ZNF568: variants seen among roughly 807,000 people sequenced by gnomAD.
ZNF568 encodes zinc finger protein 568, also known as p53 inhibitor of SCO2 activation.
ZNF568 carries 11 observed loss-of-function variants against 18.1 expected under a neutral mutation model. That is an observed-to-expected ratio of 0.61 (90% confidence interval 0.38 to 1.00). The LOEUF (loss-of-function observed/expected upper bound fraction) is 1.00, where lower values mean the gene tolerates loss of function less well. Among genes scored for constraint, ZNF568 ranks in the 50% least tolerant of loss-of-function variants. The pLI is 0.01. For synonymous variants in ZNF568, 213 were observed against 246.6 expected (o/e 0.86, Z 1.28); for missense variants, 639 against 768.2 (o/e 0.83, Z 1.99).
exon 7 of ZNF568, chr19:36,974,462 C>T: frequency 2.0e-6 from 3 of 1,535,852 alleles, no homozygotes; most frequent in Non-Finnish European, 2.6e-6. Flanking sequence ...GAAGTGATGG[C>T]GGAGGTAAGT....
intron 7 of ZNF568, among the ~76,000 whole-genome samples, chr19:36,975,680 A>ATTTTTTTTTTTTTTTTT (rs2074278315): frequency 2.1e-5 from 1 of 46,828 alleles, no homozygotes; most frequent in African/African-American, 1.2e-4. Flanking sequence ...CCGCGCCAAG[A>ATTTTTTTTTTTTTTTTT]CTTTTTTTTT....
intron 4 of ZNF568, among the ~76,000 whole-genome samples, chr19:36,933,939 TTTTA>T (rs2073741578): frequency 7.0e-6 from 1 of 143,300 alleles, no homozygotes; most frequent in African/African-American, 2.6e-5. Context: ...TTTTTTTTTT[TTTTA>T]GTAATTCAGT....
At chr19:36,938,472 T>C (rs987660574) in intron 6 of ZNF568, among the ~76,000 whole-genome samples, 2 of 152,158 alleles carry the variant, frequency 1.3e-5, no homozygotes, top group African/African-American at 4.8e-5. Context: ...ACTACATTTA[T>C]AGTAGTAAGA....
intron 6 of ZNF568, among the ~76,000 whole-genome samples, chr19:36,966,647 G>C (rs755278925): frequency 7.9e-5 from 12 of 152,218 alleles, no homozygotes; most frequent in Non-Finnish European, 1.3e-4. Context: ...ATTAAGCTTT[G>C]TCAGTAGAGG....
At chr19:36,969,993 C>T (rs1364833805) in intron 6 of ZNF568, among the ~76,000 whole-genome samples, 1 of 121,344 alleles carries the variant, frequency 8.2e-6, no homozygotes, top group Non-Finnish European at 1.8e-5. Context: ...AAACTCCTTA[C>T]CTCAAGTGAT....
chr19:36,967,924 G>A (rs1466937874), intron 6 of ZNF568, among the ~76,000 whole-genome samples: 1 of 152,150 alleles, frequency 6.6e-6, no homozygotes, highest in African/African-American at 2.4e-5. Flanking sequence ...AGAACACTGG[G>A]CATGAAGGAG....
intron 6 of ZNF568, among the ~76,000 whole-genome samples, chr19:36,941,910 TTTG>T (rs569984726): frequency 0.014 from 2,093 of 152,224 alleles, 23 homozygotes; most frequent in African/African-American, 0.025. Flanking sequence ...GTCAATTATT[TTTG>T]ACTTTTTTTA....
intron 6 of ZNF568, among the ~76,000 whole-genome samples, chr19:36,965,001 A>G (rs7251087): frequency 0.2 from 30,915 of 151,980 alleles, 3,279 homozygotes; most frequent in African/African-American, 0.28. Context: ...ACAAGCAAGT[A>G]CTATAAGAGG....
intron 7 of ZNF568, chr19:36,976,272 A>G (rs1314993299): frequency 6.6e-6 from 1 of 152,118 alleles, no homozygotes; most frequent in African/African-American, 2.4e-5. Flanking sequence ...TAACAGAAGT[A>G]GCTAACTTAT....
At chr19:36,932,461 A>C (rs1431093584) in intron 4 of ZNF568, among the ~76,000 whole-genome samples, 1 of 152,184 alleles carries the variant, frequency 6.6e-6, no homozygotes, top group Non-Finnish European at 1.5e-5. Flanking sequence ...CTGGTGGCAC[A>C]TGCCTGTAAT....
At chr19:36,968,223 T>A (rs1232426311) in intron 6 of ZNF568, among the ~76,000 whole-genome samples, 2 of 151,608 alleles carry the variant, frequency 1.3e-5, no homozygotes, top group Non-Finnish European at 2.9e-5. Context: ...TACATACAAA[T>A]TTATATGAGA....
At chr19:36,962,277 G>GTTATTTTTTTTTT (rs1555736279) in intron 6 of ZNF568, among the ~76,000 whole-genome samples, 1 of 45,288 alleles carries the variant, frequency 2.2e-5, no homozygotes, top group African/African-American at 8.4e-5. Flanking sequence ...GTGTTGCAGT[G>GTTATTTTTTTTTT]TTTTTTTTTT....
At chr19:36,918,224 G>A (rs541768419) in intron 2 of ZNF568, among the ~76,000 whole-genome samples, 186 of 152,230 alleles carry the variant, frequency 1.2e-3, no homozygotes, top group African/African-American at 4.4e-3. Flanking sequence ...GATTACAGGC[G>A]TAAGCCACCA....
chr19:36,938,643 G>A (rs2073829142), intron 6 of ZNF568, among the ~76,000 whole-genome samples: 1 of 152,174 alleles, frequency 6.6e-6, no homozygotes, highest in African/African-American at 2.4e-5. Context: ...TTGGCTGTGT[G>A]TAAAATTCTT....
intron 6 of ZNF568, among the ~76,000 whole-genome samples, chr19:36,968,314 C>T (rs889621395): frequency 1.3e-5 from 2 of 152,008 alleles, no homozygotes; most frequent in Non-Finnish European, 2.9e-5. Flanking sequence ...GTGGCTCACA[C>T]CTGTAATCCC....
chr19:36,924,383 G>A (rs990301710), intron 3 of ZNF568, among the ~76,000 whole-genome samples: 2 of 151,262 alleles, frequency 1.3e-5, no homozygotes, highest in Non-Finnish European at 1.5e-5. Flanking sequence ...TACGCCCAGC[G>A]AATTTTTGTA....
chr19:36,954,957 G>A (rs919451874), downstream of ZNF568, among the ~76,000 whole-genome samples: 1 of 151,176 alleles, frequency 6.6e-6, no homozygotes, highest in African/African-American at 2.4e-5. Context: ...TCGGTTCACT[G>A]CAACCTGCGC....
chr19:36,930,078 T>C (rs2146280782), intron 4 of ZNF568, among the ~76,000 whole-genome samples: 1 of 152,138 alleles, frequency 6.6e-6, no homozygotes, highest in Non-Finnish European at 1.5e-5. Context: ...AACATTTGTA[T>C]GTGAAGAGAA....
downstream of ZNF568, among the ~76,000 whole-genome samples, chr19:36,956,706 C>T (rs2074110330): frequency 6.6e-6 from 1 of 152,072 alleles, no homozygotes; most frequent in South Asian, 2.1e-4. Context: ...AAGCGATTCT[C>T]ATGCCTCAGC....
Sources: allele counts gnomAD v4.1 joint callset (sites outside exome capture counted in the v4.1 genomes callset), GRCh38; gene constraint gnomAD v4.1.1; transcripts MANE v1.5; gene names NCBI Gene and HGNC (gene_info 2026-07-23, HGNC 2026-07-21).